ZEB1: variants seen among roughly 807,000 people sequenced by gnomAD.
ZEB1 encodes zinc finger E-box binding homeobox 1, also known as zinc finger E-box-binding homeobox 1.
In ZEB1, 21 loss-of-function variants were observed where a neutral mutation model predicts 84.9. That is an observed-to-expected ratio of 0.25 (90% CI 0.18 to 0.36). The LOEUF (loss-of-function observed/expected upper bound fraction) is 0.36, where lower values mean the gene tolerates loss of function less well. ZEB1 is among the 10% of genes least tolerant of loss of function. ZEB1 has a pLI of 1.00. For missense variants in ZEB1, 1,104 were observed against 1,330.2 expected (o/e 0.83, Z 2.65); for synonymous variants, 420 against 471.1 (o/e 0.89, Z 1.41).
chr10:31,441,141 A>G (rs1284178058), intron 1 of ZEB1, among the ~76,000 whole-genome samples: 1 of 152,192 alleles, frequency 6.6e-6, no homozygotes, highest in Admixed American at 6.5e-5. Context: ...GCATCACACT[A>G]CCTGACTTCA....
chr10:31,441,053 CTACTT>C (rs1469796015), intron 1 of ZEB1, among the ~76,000 whole-genome samples: 3 of 152,062 alleles, frequency 2.0e-5, no homozygotes, highest in Non-Finnish European at 4.4e-5. Context: ...TTGGAAAAAA[CTACTT>C]TAAAGTTCAT....
chr10:31,332,355 A>G (rs540230110), intron 1 of ZEB1, among the ~76,000 whole-genome samples: 1 of 152,276 alleles, frequency 6.6e-6, no homozygotes, highest in African/African-American at 2.4e-5. Flanking sequence ...GTGCAAACAA[A>G]TGTGTTGTGG....
At chr10:31,333,344 T>A (rs916581015) in intron 1 of ZEB1, among the ~76,000 whole-genome samples, 2 of 152,178 alleles carry the variant, frequency 1.3e-5, no homozygotes, top group Admixed American at 1.3e-4. Context: ...TCTCTGAGTT[T>A]CTGATCACCA....
chr10:31,387,458 G>A (rs1039071448), intron 1 of ZEB1, among the ~76,000 whole-genome samples: 1 of 152,280 alleles, frequency 6.6e-6, no homozygotes. Flanking sequence ...TCCTGGGGAT[G>A]TATGGATATT....
chr10:31,478,116 A>G (rs1353984201), intron 2 of ZEB1, among the ~76,000 whole-genome samples: 1 of 152,050 alleles, frequency 6.6e-6, no homozygotes, highest in Non-Finnish European at 1.5e-5. Flanking sequence ...ACCTCCGACA[A>G]AGAACTAATA....
At chr10:31,475,813 A>T (rs2064076949) in intron 2 of ZEB1, among the ~76,000 whole-genome samples, 1 of 152,268 alleles carries the variant, frequency 6.6e-6, no homozygotes, top group East Asian at 1.9e-4. Context: ...TGAAAGGATA[A>T]TACTCACCAT....
At position 31,408,601 on chromosome 10, in the gene ZEB1, A is replaced by G. The variant is rs1235149303; in HGVS notation, c.59-52436A>G. ...TCAGAAATAACGCCGCATATCTACAACTATCTGATCTTTGACAAACCTGAG... is the reference window on the plus strand; with the variant it reads ...TCAGAAATAACGCCGCATATCTACAGCTATCTGATCTTTGACAAACCTGAG... On this transcript the variant is annotated intron_variant, in intron 1 of 8. Transcript: ENST00000424869. 3.6e-4 allele frequency among the ~76,000 whole-genome samples: 52 copies of G among 146,324 alleles called. 1 individual carries two copies. Among genetic ancestry groups the G allele is most frequent in the African/African-American group, 1.3e-3 (50 of 37,858 alleles).
chr10:31,505,048 A>T (rs2068745649), intron 4 of ZEB1, among the ~76,000 whole-genome samples: 1 of 152,056 alleles, frequency 6.6e-6, no homozygotes, highest in South Asian at 2.1e-4. Flanking sequence ...GACGTCTGTC[A>T]GCTTGTTCCA....
At chr10:31,407,543 C>T (rs2053351680) in intron 1 of ZEB1, among the ~76,000 whole-genome samples, 1 of 151,776 alleles carries the variant, frequency 6.6e-6, no homozygotes, top group Non-Finnish European at 1.5e-5. Context: ...GTGAATAATG[C>T]CGCAATAAAC....
chr10:31,510,166 G>T (rs2069719955), intron 4 of ZEB1, among the ~76,000 whole-genome samples: 1 of 152,144 alleles, frequency 6.6e-6, no homozygotes, highest in Non-Finnish European at 1.5e-5. Context: ...AACATAGTGT[G>T]TGTGTACTGT....
intron 1 of ZEB1, among the ~76,000 whole-genome samples, chr10:31,439,836 G>A (rs769772527): frequency 4.4e-4 from 67 of 152,268 alleles, no homozygotes; most frequent in Non-Finnish European, 7.8e-4. Flanking sequence ...GTCTGAGAGA[G>A]ACAGGTGAGG....
chr10:31,440,355 A>C (rs1219420450), intron 1 of ZEB1, among the ~76,000 whole-genome samples: 1 of 152,128 alleles, frequency 6.6e-6, no homozygotes, highest in East Asian at 1.9e-4. Flanking sequence ...AAAATTCAAC[A>C]GCCCTTCATG....
At chr10:31,435,625 G>A (rs972541383) in intron 1 of ZEB1, among the ~76,000 whole-genome samples, 2 of 152,116 alleles carry the variant, frequency 1.3e-5, no homozygotes, top group African/African-American at 2.4e-5. Flanking sequence ...TCAGGCCAAG[G>A]GAAAGGCAAG....
rs1037550479 is a variant in ZEB1 at position 31,401,985 on chromosome 10, A to G, written c.59-59052A>G. On this transcript the variant is annotated intron_variant, in intron 1 of 8. Transcript: ENST00000424869. ...AGAGGTTAGAGAAAACAGAAGAAGA[A>G]AAAAAAAACCCTAAAACCTGCAAAG... is the stretch of plus-strand genomic sequence containing the variant. Among the ~76,000 whole-genome samples the G allele has an allele frequency of 4.6e-5, 7 of 151,392 alleles. No individual in the cohort carries two copies. The South Asian group carries it at 1.3e-3, about 27-fold the overall frequency.
chr10:31,495,585 T>C (rs1275008816), intron 2 of ZEB1, among the ~76,000 whole-genome samples, 191 bp from the exon 3 acceptor site: 2 of 152,062 alleles, frequency 1.3e-5, no homozygotes, highest in African/African-American at 4.8e-5. Flanking sequence ...GACAACTGGA[T>C]TTGTTTTTTT....
intron 1 of ZEB1, among the ~76,000 whole-genome samples, chr10:31,351,340 A>G (rs2041286634): frequency 6.6e-6 from 1 of 152,196 alleles, no homozygotes; most frequent in Non-Finnish European, 1.5e-5. Context: ...TTTAAAATTG[A>G]GTAAATCATT....
At chr10:31,427,752 G>A (rs549594977) in intron 1 of ZEB1, among the ~76,000 whole-genome samples, 118 of 151,988 alleles carry the variant, frequency 7.8e-4, no homozygotes, top group African/African-American at 2.7e-3. Flanking sequence ...CCAGCTACTC[G>A]AGAGGCTGAG....
intron 1 of ZEB1, among the ~76,000 whole-genome samples, chr10:31,392,655 A>C (rs2049962560): frequency 6.6e-6 from 1 of 152,020 alleles, no homozygotes; most frequent in Non-Finnish European, 1.5e-5. Flanking sequence ...CTAGTTTAAG[A>C]TCTAGTGCAT....
rs767773773 is a variant in ZEB1, at chr10:31,319,246, C to A, written c.12C>A (p.Gly4=). Reference sequence around the variant, plus strand: ...CAAGCGAGAGGATCATGGCGGATGGCCCCAGGTGTAAGCGCAGAAAGCAGG... The same window carrying A: ...CAAGCGAGAGGATCATGGCGGATGGACCCAGGTGTAAGCGCAGAAAGCAGG... MAD[G]PRCKRRKQAN... Residue 4 remains glycine (G), a synonymous_variant, in exon 1 of 9, where the codon GGC becomes GGA. Transcript: ENST00000424869. 6.2e-7 allele frequency: 1 copy of A among 1,609,390 alleles called. No individual in the cohort carries two copies. Among genetic ancestry groups the A allele is most frequent in the Admixed American group, 1.7e-5 (1 of 59,562 alleles).
Sources: gnomAD v4.1 joint callset for allele counts (sites outside exome capture counted in the v4.1 genomes callset) on GRCh38, gnomAD v4.1.1 for gene constraint, MANE v1.5 for transcripts, NCBI Gene and HGNC (gene_info 2026-07-23, HGNC 2026-07-21) for gene names.